KATNIP: variants seen among roughly 807,000 people sequenced by gnomAD.
KATNIP encodes the protein katanin-interacting protein.
KATNIP carries 126 observed loss-of-function variants against 174.0 expected under a neutral mutation model. That is an observed-to-expected ratio of 0.72 (90% CI 0.63 to 0.84). The LOEUF (loss-of-function observed/expected upper bound fraction) is 0.84, where lower values mean the gene tolerates loss of function less well. KATNIP is among the 40% of genes least tolerant of loss of function. The pLI is 0.00. For missense variants in KATNIP, 1,958 were observed against 2,109.7 expected (o/e 0.93, Z 1.41); for synonymous variants, 810 against 835.7 (o/e 0.97, Z 0.53).
intron 8 of KATNIP, among the ~76,000 whole-genome samples, chr16:27,690,140 AAATAAT>A (rs140608906): frequency 1.3e-5 from 2 of 151,354 alleles, no homozygotes; most frequent in East Asian, 1.9e-4. Flanking sequence ...TCATCTCTAC[AAATAAT>A]AATAATAATA....
intron 8 of KATNIP, among the ~76,000 whole-genome samples, chr16:27,690,537 C>T (rs1268416548): frequency 6.6e-6 from 1 of 152,158 alleles, no homozygotes; most frequent in South Asian, 2.1e-4. Context: ...TTGCAGTTCC[C>T]GATGCCATAG....
intron 1 of KATNIP, among the ~76,000 whole-genome samples, chr16:27,565,429 G>A (rs1209759327): frequency 6.7e-6 from 1 of 149,886 alleles, no homozygotes; most frequent in Non-Finnish European, 1.5e-5. Flanking sequence ...TTGCGCCACT[G>A]CACTCCAGCC....
At chr16:27,719,443 G>A (rs2080111621) in intron 13 of KATNIP, among the ~76,000 whole-genome samples, 1 of 150,640 alleles carries the variant, frequency 6.6e-6, no homozygotes, top group South Asian at 2.1e-4. Flanking sequence ...TGCCATCTTG[G>A]CTCACTGCAG....
intron 5 of KATNIP, among the ~76,000 whole-genome samples, chr16:27,635,069 C>T (rs1230161133): frequency 1.3e-5 from 2 of 151,994 alleles, no homozygotes; most frequent in Non-Finnish European, 2.9e-5. Flanking sequence ...CTGTGGGGGG[C>T]CTTCAAACTG....
In KATNIP at chr16:27,567,926, T is replaced by C. The variant is rs557054726; in HGVS notation, c.8-5975T>C. Reference sequence around the variant, plus strand: ...CTGTAGTGAGCTATGTTCACACCAGTGCATTCCAGGATGGGCAACAGAGCA... The same window carrying C: ...CTGTAGTGAGCTATGTTCACACCAGCGCATTCCAGGATGGGCAACAGAGCA... On this transcript the variant is annotated intron_variant, in intron 1 of 27. Coordinates refer to ENST00000261588, the MANE Select transcript of KATNIP (RefSeq NM_015202.5). Among the ~76,000 whole-genome samples the C allele has an allele frequency of 2.0e-5, 3 of 152,288 alleles. No individual in the cohort carries two copies. The East Asian group carries it at 5.8e-4, about 29-fold the overall frequency.
intron 9 of KATNIP, 100 bp from the exon 10 acceptor site, chr16:27,699,434 G>A: frequency 6.5e-7 from 1 of 1,540,188 alleles, no homozygotes. Context: ...ATGGTAGCTT[G>A]AGAAGGTCCC....
chr16:27,757,664 C>A, intron 18 of KATNIP: 1 of 256,388 alleles, frequency 3.9e-6, no homozygotes, highest in Non-Finnish European at 6.1e-6. Flanking sequence ...AGCCTCTCAA[C>A]CAAGCACCCT....
intron 2 of KATNIP, among the ~76,000 whole-genome samples, chr16:27,609,612 G>C (rs576249991): frequency 6.6e-6 from 1 of 150,658 alleles, no homozygotes; most frequent in South Asian, 2.1e-4. Context: ...GGGTGGTCTC[G>C]ATCTCCTGAC....
At chr16:27,668,619 CCATT>C in intron 6 of KATNIP, among the ~76,000 whole-genome samples, 1 of 152,212 alleles carries the variant, frequency 6.6e-6, no homozygotes, top group South Asian at 2.1e-4. Context: ...CCTGGGTCTG[CCATT>C]ACTGGCCATG....
intron 14 of KATNIP, among the ~76,000 whole-genome samples, chr16:27,735,561 G>A (rs2080867512): frequency 6.6e-6 from 1 of 152,204 alleles, no homozygotes; most frequent in Non-Finnish European, 1.5e-5. Flanking sequence ...CTGTGCCTCT[G>A]CTAAACAGAG....
chr16:27,571,337 T>C (rs1470415889), intron 1 of KATNIP, among the ~76,000 whole-genome samples: 1 of 152,164 alleles, frequency 6.6e-6, no homozygotes, highest in Non-Finnish European at 1.5e-5. Context: ...CTGGCCACAT[T>C]AATGTTTTGT....
At chr16:27,675,552 C>T (rs1006139308) in intron 6 of KATNIP, among the ~76,000 whole-genome samples, 5 of 152,194 alleles carry the variant, frequency 3.3e-5, no homozygotes, top group Admixed American at 6.5e-5. Context: ...ATCTGTGGTT[C>T]GGGGCTCTGT....
intron 20 of KATNIP, among the ~76,000 whole-genome samples, chr16:27,769,210 C>T (rs2082219189): frequency 6.6e-6 from 1 of 152,238 alleles, no homozygotes; most frequent in South Asian, 2.1e-4. Flanking sequence ...GCCAGAACCT[C>T]TGCCATAAGA....
rs555301906 is a variant in KATNIP at position 27,754,177 on chromosome 16, C to T, written c.3557C>T (p.Pro1186Leu). Residue 1186 changes from proline (P) to leucine (L), a missense_variant, in exon 18 of 28, where the codon CCG becomes CTG. Pro to Leu is a moderately conservative substitution (Grantham distance 98). Around this residue, in one of 3 missense-constraint regions of KATNIP, gnomAD observed 1,557 missense variants for 1,617.8 expected, o/e 0.96. Coordinates refer to ENST00000261588, the MANE Select transcript of KATNIP (RefSeq NM_015202.5). ...QAGLGADERI[P>L]ELELPSSSPV... The stretch of plus-strand genomic sequence containing the variant: ...GCTTCTCCAACCCATGTGCAGATCC[C>T]GGAGCTAGAGCTCCCATCCAGTTCC... 6.8e-6 allele frequency: 11 copies of T among 1,613,780 alleles called. No homozygotes were observed. Among genetic ancestry groups the T allele is most frequent in the South Asian group, 3.3e-5 (3 of 91,052 alleles).
At chr16:27,684,946 G>A (rs1409507229) in intron 8 of KATNIP, among the ~76,000 whole-genome samples, 3 of 152,130 alleles carry the variant, frequency 2.0e-5, no homozygotes, top group African/African-American at 7.2e-5. Context: ...ACCTTTTTAG[G>A]GGACACAATT....
chr16:27,768,955 G>T (rs913063653), intron 20 of KATNIP, among the ~76,000 whole-genome samples: 1 of 152,338 alleles, frequency 6.6e-6, no homozygotes, highest in Middle Eastern at 3.4e-3. Context: ...GGAGAACCAG[G>T]CTCCAAAATC....
intron 3 of KATNIP, among the ~76,000 whole-genome samples, chr16:27,624,622 C>T (rs1398865977): frequency 6.6e-6 from 1 of 151,978 alleles, no homozygotes; most frequent in African/African-American, 2.4e-5. Flanking sequence ...TTGAGACCAG[C>T]CTGGACAACA....
At chr16:27,651,574 C>T (rs1454192535) in intron 6 of KATNIP, among the ~76,000 whole-genome samples, 2 of 152,236 alleles carry the variant, frequency 1.3e-5, no homozygotes, top group African/African-American at 4.8e-5. Flanking sequence ...ACCAGCCTCT[C>T]GCCTTTAATC....
rs758556737 is a variant in KATNIP at position 27,699,581 on chromosome 16, G to C, written c.1161G>C (p.Glu387Asp). The change falls in exon 10 of 28, where the codon GAG becomes GAC. Residue 387 changes from glutamate (E) to aspartate (D), a missense_variant. This residue lies in a region of KATNIP where 1,557 missense variants were observed against 1,617.8 expected (regional missense o/e 0.96). Transcript: ENST00000261588. Reference protein sequence around the residue: ...PAKPWTSLLEEKEETLELLPI... With the variant: ...PAKPWTSLLEDKEETLELLPI... ...AACCATGGACCAGTCTGCTGGAGGA[G>C]AAGGAAGAGACCCTTGAGGTCAGTG... 3 of 1,614,190 alleles carry C rather than the reference G, an allele frequency of 1.9e-6. No homozygotes were observed. The South Asian group carries it at 3.3e-5, about 18-fold the overall frequency.
Sources: gnomAD v4.1 joint callset for allele counts (sites outside exome capture counted in the v4.1 genomes callset) on GRCh38, gnomAD v4.1.1 for gene constraint, gnomAD v4.1.1 regional missense constraint, MANE v1.5 for transcripts, NCBI Gene and HGNC (gene_info 2026-07-23, HGNC 2026-07-21) for gene names.